The following APOL5 variants were observed in gnomAD, a reference collection of about 807,000 sequenced individuals.
The protein encoded by APOL5 is apolipoprotein L5.
APOL5 carries 29 observed loss-of-function variants against 35.5 expected under a neutral mutation model. That is an observed-to-expected ratio of 0.82 (90% confidence interval 0.61 to 1.11). APOL5 has a LOEUF of 1.11. Among genes scored for constraint, APOL5 ranks in the 50% most tolerant of loss-of-function variants. The probability of loss-of-function intolerance (pLI) is 0.00; values close to 1 mark genes in which losing one functional copy is unlikely to be tolerated. For synonymous variants in APOL5, 188 were observed against 200.2 expected (o/e 0.94, Z 0.51); for missense variants, 514 against 530.4 (o/e 0.97, Z 0.30).
upstream of APOL5, among the ~76,000 whole-genome samples, chr22:35,716,211 T>C (rs1376940867): frequency 6.6e-6 from 1 of 152,238 alleles, no homozygotes; most frequent in African/African-American, 2.4e-5. Flanking sequence ...ACTGTACAAG[T>C]GGGAGATTTT....
At position 35,726,463 on chromosome 22, in the gene APOL5, A is replaced by T; in HGVS notation, c.395A>T (p.Glu132Val). ...GCGGACCAAGTTGACACCACTCACG[A>T]GTTGCTTACCAAGACCAGCCTGGTG... Reference protein sequence around the residue: ...TLADQVDTTHELLTKTSLVAS... With the variant: ...TLADQVDTTHVLLTKTSLVAS... Residue 132 changes from glutamate (E) to valine (V), a missense_variant, in exon 3 of 5, where the codon GAG becomes GTG. Physicochemically the swap from Glu to Val is moderately radical, Grantham distance 121 (BLOSUM62 -2). Coordinates refer to ENST00000249044, the MANE Select transcript of APOL5 (RefSeq NM_030642.1). 1 of 1,614,166 alleles carries T rather than the reference A, an allele frequency of 6.2e-7. No homozygotes were observed. Among genetic ancestry groups the T allele is most frequent in the Non-Finnish European group, 8.5e-7 (1 of 1,180,038 alleles).
Position 35,720,732 on chromosome 22 carries a change from C to T in APOL5, c.142+78C>T, listed in dbSNP as rs1401062765. 17 of 1,040,624 alleles carry T rather than the reference C, an allele frequency of 1.6e-5. No individual in the cohort carries two copies. The Admixed American group carries it at 3.6e-4, about 22-fold the overall frequency. The allele number at this position is 1,040,624 out of a possible 1,614,324, so 64.5% of individuals were successfully genotyped here. On this transcript the variant is annotated intron_variant, in intron 2 of 4. Transcript: ENST00000249044. Reference sequence around the variant, plus strand: ...AACAGTGTCTGTCACAGACCCAGCACTCAATGAGTATTTGGGTTTTGTTTT... The same window carrying T: ...AACAGTGTCTGTCACAGACCCAGCATTCAATGAGTATTTGGGTTTTGTTTT...
rs898204578 is a variant in APOL5 at position 35,729,378 on chromosome 22, C to G, written c.*31C>G. On this transcript the variant is annotated 3_prime_UTR_variant, in exon 5 of 5. Transcript: ENST00000249044. ...GTTGGTCACCCTGTCACCACTGAAC[C>G]TTGATTTAACAGAGGCAAAATGCAA... The G allele has an allele frequency of 3.3e-5, 5 of 152,324 alleles. No individual in the cohort carries two copies. Among genetic ancestry groups the G allele is most frequent in the African/African-American group, 1.2e-4 (5 of 41,278 alleles). The allele number at this position is 152,324 out of a possible 1,614,324, so 9.4% of individuals were successfully genotyped here.
At chr22:35,722,461 C>A (rs1424803990) in intron 2 of APOL5, among the ~76,000 whole-genome samples, 4 of 152,138 alleles carry the variant, frequency 2.6e-5, no homozygotes, top group Admixed American at 6.6e-5. Flanking sequence ...CGCCACCACA[C>A]CTGGATAATT....
chr22:35,720,566 A>G lies in APOL5; in HGVS notation c.56-2A>G. On this transcript the variant is annotated splice_acceptor_variant, in intron 1 of 4. Coordinates refer to ENST00000249044, the MANE Select transcript of APOL5 (RefSeq NM_030642.1). LOFTEE classifies it high-confidence loss of function. ...ATGTCCCTGATCCTTGTCCATCTCC[A>G]GGCTTGGGAGAAGGTTGTAAAGAAA... 6.2e-7 allele frequency: 1 copy of G among 1,613,938 alleles called. No homozygotes were observed. Among genetic ancestry groups the G allele is most frequent in the Non-Finnish European group, 8.5e-7 (1 of 1,179,870 alleles).
At chr22:35,719,689 A>G (rs1453467734) in intron 1 of APOL5, among the ~76,000 whole-genome samples, 1 of 152,202 alleles carries the variant, frequency 6.6e-6, no homozygotes, top group Non-Finnish European at 1.5e-5. Context: ...GCGGACCGGC[A>G]GGTCTTGGGG....
chr22:35,720,216 G>A (rs866887577), intron 1 of APOL5, among the ~76,000 whole-genome samples: 7 of 152,214 alleles, frequency 4.6e-5, no homozygotes, highest in African/African-American at 1.4e-4. Context: ...AACCCTCACC[G>A]GGGACCATGC....
chr22:35,721,216 C>T (rs1010068852), intron 2 of APOL5, among the ~76,000 whole-genome samples: 10 of 152,002 alleles, frequency 6.6e-5, no homozygotes, highest in East Asian at 3.8e-4. Flanking sequence ...TGTACACATC[C>T]GCATAAAAAA....
At chr22:35,722,060 T>A (rs1926988367) in intron 2 of APOL5, among the ~76,000 whole-genome samples, 2 of 152,140 alleles carry the variant, frequency 1.3e-5, no homozygotes, top group South Asian at 4.1e-4. Context: ...CTGTCAAGAT[T>A]TCCCCCCAGT....
chr22:35,719,302 C>T (rs5999971), intron 1 of APOL5, among the ~76,000 whole-genome samples: 102,389 of 152,000 alleles, frequency 0.67, 35,006 homozygotes, highest in African/African-American at 0.76. Context: ...ACAAAAGAAG[C>T]TGCAATGTGA....
At chr22:35,717,235 A>AAAAAAATATATATATATATATATAT, upstream of APOL5, among the ~76,000 whole-genome samples, 1 of 57,662 alleles carries the variant, frequency 1.7e-5, no homozygotes, top group South Asian at 1.1e-3. Flanking sequence ...AAAAAAAAAA[A>AAAAAAATATATATATATATATATAT]ATATATATAT....
chr22:35,714,963 A>G (rs371401167), upstream of APOL5, among the ~76,000 whole-genome samples: 26 of 152,228 alleles, frequency 1.7e-4, no homozygotes, highest in Admixed American at 7.2e-4. Flanking sequence ...TCTCAGTGTG[A>G]TATTCTGAGC....
upstream of APOL5, among the ~76,000 whole-genome samples, chr22:35,715,957 ATAAT>A (rs1197537519): frequency 6.6e-6 from 1 of 152,238 alleles, no homozygotes; most frequent in Admixed American, 6.5e-5. Flanking sequence ...ATAACAAAAA[ATAAT>A]TAATATGAAT....
At chr22:35,713,573 G>A (rs527240053), upstream of APOL5, among the ~76,000 whole-genome samples, 125 of 152,252 alleles carry the variant, frequency 8.2e-4, no homozygotes, top group Non-Finnish European at 1.4e-3. Flanking sequence ...TCCGTATGGC[G>A]CCCCGCCACT....
chr22:35,725,252 G>GTTTTTTGTTTTGT (rs1056260187), intron 2 of APOL5, among the ~76,000 whole-genome samples: 6 of 152,004 alleles, frequency 3.9e-5, no homozygotes, highest in African/African-American at 7.2e-5. Context: ...CGAGGACTGG[G>GTTTTTTGTTTTGT]TTTTTTGTTT....
chr22:35,728,967 TG>T, intron 4 of APOL5, 63 bp downstream of exon 4: 1 of 1,442,630 alleles, frequency 6.9e-7, no homozygotes, highest in Non-Finnish European at 9.2e-7. Context: ...AACCCCTCCT[TG>T]GGTGGGTGGG....
chr22:35,729,099 A>C (rs1454071382), intron 4 of APOL5, among the ~76,000 whole-genome samples, 195 bp downstream of exon 4: 4 of 152,200 alleles, frequency 2.6e-5, no homozygotes, highest in Non-Finnish European at 5.9e-5. Context: ...CTCTCTCTGT[A>C]CTTCCTGCCA....
chr22:35,726,465 T>C lies in APOL5; in HGVS notation c.397T>C (p.Leu133=). 1 of 1,614,066 alleles carries C rather than the reference T, an allele frequency of 6.2e-7. No individual in the cohort carries two copies. Among genetic ancestry groups the C allele is most frequent in the Non-Finnish European group, 8.5e-7 (1 of 1,180,014 alleles). ...LADQVDTTHE[L]LTKTSLVASS... The stretch of plus-strand genomic sequence containing the variant: ...GGACCAAGTTGACACCACTCACGAG[T>C]TGCTTACCAAGACCAGCCTGGTGGC... Residue 133 remains leucine (L), a synonymous_variant, in exon 3 of 5, where the codon TTG becomes CTG. Coordinates refer to ENST00000249044, the MANE Select transcript of APOL5 (RefSeq NM_030642.1).
chr22:35,711,640 TTCCTTCCC>T, the APOL5 span, among the ~76,000 whole-genome samples: 2 of 149,432 alleles, frequency 1.3e-5, no homozygotes. Context: ...CCTTCCTTCC[TTCCTTCCC>T]TCCCTCCCTC....
Sources: allele counts gnomAD v4.1 joint callset (sites outside exome capture counted in the v4.1 genomes callset), GRCh38; gene constraint gnomAD v4.1.1; transcripts MANE v1.5; gene names NCBI Gene and HGNC (gene_info 2026-07-23, HGNC 2026-07-21).